The following RNF32 variants were observed in gnomAD, a reference collection of about 807,000 sequenced individuals.
The protein encoded by RNF32 is ring finger protein 32.
RNF32 carries 36 observed loss-of-function variants against 41.0 expected under a neutral mutation model. That is an observed-to-expected ratio of 0.88 (90% CI 0.67 to 1.16). The LOEUF (loss-of-function observed/expected upper bound fraction) is 1.16, where lower values mean the gene tolerates loss of function less well. RNF32 is among the 50% of genes most tolerant of loss of function. The pLI is 0.00. For missense variants in RNF32, 413 were observed against 436.7 expected, an observed-to-expected ratio of 0.95 and a Z score of 0.48; for synonymous variants, 154 against 160.9, an observed-to-expected ratio of 0.96 and a Z score of 0.32.
intron 7 of RNF32, among the ~76,000 whole-genome samples, chr7:156,666,709 G>A (rs1440059832): frequency 6.6e-6 from 1 of 152,188 alleles, no homozygotes; most frequent in Non-Finnish European, 1.5e-5. Context: ...AAAGAGGCCT[G>A]GAAAGGTCAC....
intron 7 of RNF32, among the ~76,000 whole-genome samples, chr7:156,667,756 T>A (rs1418653997): frequency 6.6e-6 from 1 of 152,226 alleles, no homozygotes; most frequent in Non-Finnish European, 1.5e-5. Context: ...AAATGTTGAT[T>A]TGACTTCTAA....
chr7:156,675,927 T>C, intron 8 of RNF32, 64 bp downstream of exon 8: 1 of 1,515,410 alleles, frequency 6.6e-7, no homozygotes. Flanking sequence ...CTGTGGGGAG[T>C]GGCATGTGGG....
intron 7 of RNF32, chr7:156,659,487 ACAGT>A (rs1416691832): frequency 4.1e-6 from 4 of 985,224 alleles, no homozygotes; most frequent in Non-Finnish European, 4.8e-6. Context: ...TCAGTCGTTG[ACAGT>A]CAGTTGTGTT....
At chr7:156,662,101 T>C (rs1285369041) in intron 7 of RNF32, among the ~76,000 whole-genome samples, 2 of 152,176 alleles carry the variant, frequency 1.3e-5, no homozygotes, top group Non-Finnish European at 1.5e-5. Flanking sequence ...TACTGTAAAA[T>C]AGTGTATTAG....
intron 5 of RNF32, 148 bp from the exon 6 acceptor site, chr7:156,657,980 G>A: frequency 1.3e-6 from 1 of 763,538 alleles, no homozygotes; most frequent in Non-Finnish European, 2.1e-6. Flanking sequence ...AGCACCTGAT[G>A]AAGCCTCCTC....
intron 5 of RNF32, among the ~76,000 whole-genome samples, chr7:156,657,879 T>C (rs1799967091): frequency 6.6e-6 from 1 of 152,216 alleles, no homozygotes; most frequent in Non-Finnish European, 1.5e-5. Context: ...GACTCACCTT[T>C]GTGCTAGTGG....
At chr7:156,660,800 G>T (rs1208983390) in intron 7 of RNF32, among the ~76,000 whole-genome samples, 6 of 152,240 alleles carry the variant, frequency 3.9e-5, no homozygotes, top group African/African-American at 1.4e-4. Flanking sequence ...GGAGTCCTGA[G>T]AAAGTGCACC....
chr7:156,664,871 T>C (rs186318478), intron 7 of RNF32, among the ~76,000 whole-genome samples: 3 of 152,328 alleles, frequency 2.0e-5, no homozygotes, highest in African/African-American at 2.4e-5. Flanking sequence ...AGAAACAGAA[T>C]TGTATTGTTT....
At chr7:156,656,770 G>A (rs534985040) in intron 4 of RNF32, among the ~76,000 whole-genome samples, 6 of 152,302 alleles carry the variant, frequency 3.9e-5, no homozygotes, top group African/African-American at 9.6e-5. Context: ...TGACCCCACC[G>A]CTTTGCTCAG....
chr7:156,654,586 G>T lies in RNF32; in HGVS notation c.285G>T (p.Leu95Phe). ...KPPPLTLAQKLGLIGPPPPPL... is the reference protein window; with the variant it reads ...KPPPLTLAQKFGLIGPPPPPL... ...GCTGTCTTACTTTAGCACAGAAGTT[G>T]GGCCTCATTGGGCCTCCACCACCTC... is the stretch of plus-strand genomic sequence containing the variant. Residue 95 changes from leucine (L) to phenylalanine (F), a missense_variant, in exon 4 of 9, where the codon TTG (leucine) becomes TTT (phenylalanine). Physicochemically the swap from Leu to Phe is conservative, Grantham distance 22 (BLOSUM62 0). Coordinates refer to ENST00000317955, the MANE Select transcript of RNF32 (RefSeq NM_030936.4). 1 of 1,613,976 alleles carries T rather than the reference G, an allele frequency of 6.2e-7. No homozygotes were observed. Among genetic ancestry groups the T allele is most frequent in the South Asian group, 1.1e-5 (1 of 91,040 alleles).
chr7:156,657,967 G>C (rs1410536988), intron 5 of RNF32, among the ~76,000 whole-genome samples, 161 bp from the exon 6 acceptor site: 6 of 152,168 alleles, frequency 3.9e-5, no homozygotes, highest in Non-Finnish European at 2.9e-5. Flanking sequence ...TGAGGAAGGT[G>C]GTAGCACCTG....
chr7:156,673,628 C>A (rs1803095784), intron 7 of RNF32, among the ~76,000 whole-genome samples: 2 of 152,150 alleles, frequency 1.3e-5, no homozygotes, highest in South Asian at 4.1e-4. Flanking sequence ...TCCTCAGCCA[C>A]CCCCTTCATT....
intron 7 of RNF32, among the ~76,000 whole-genome samples, chr7:156,660,896 A>T (rs1800552461): frequency 6.6e-6 from 1 of 152,242 alleles, no homozygotes; most frequent in Non-Finnish European, 1.5e-5. Flanking sequence ...CATGGAAGTT[A>T]TACATTGGTT....
chr7:156,672,597 A>T (rs1235534794), intron 7 of RNF32, among the ~76,000 whole-genome samples: 3 of 152,170 alleles, frequency 2.0e-5, no homozygotes, highest in African/African-American at 4.8e-5. Context: ...GAGCTAAGTA[A>T]CTCATTTATG....
intron 3 of RNF32, among the ~76,000 whole-genome samples, chr7:156,645,382 T>C (rs1236279771): frequency 6.6e-6 from 1 of 152,216 alleles, no homozygotes; most frequent in South Asian, 2.1e-4. Flanking sequence ...TGTGGCATTC[T>C]TACCAAAATG....
In RNF32 at chr7:156,669,854, C is replaced by T. The variant is rs542001779; in HGVS notation, c.685-5842C>T. Among the ~76,000 whole-genome samples the T allele has an allele frequency of 5.3e-5, 8 of 152,240 alleles. No homozygotes were observed. Among genetic ancestry groups the T allele is most frequent in the East Asian group, 3.9e-4 (2 of 5,162 alleles). ...GAGACGTGCAGTTGGGCCTGCAGCA[C>T]GCAGGGCTTGGGGACTCTGTTCCAG... On this transcript the variant is annotated intron_variant, in intron 7 of 8. Transcript: ENST00000317955. This position sits in a 1 kb window ranked among gnomAD's most constrained non-coding sequence, Gnocchi z 4.2.
At chr7:156,665,316 G>C (rs1801200555) in intron 7 of RNF32, among the ~76,000 whole-genome samples, 1 of 149,342 alleles carries the variant, frequency 6.7e-6, no homozygotes, top group Non-Finnish European at 1.5e-5. Context: ...AGCCACCCCT[G>C]AGTCTGTTCA....
At chr7:156,644,819 A>ATAGTATAATT in intron 3 of RNF32, 62 bp downstream of exon 3, 1 of 1,491,370 alleles carries the variant, frequency 6.7e-7, no homozygotes, top group Non-Finnish European at 9.1e-7. Context: ...ATTGAGATTA[A>ATAGTATAATT]TAGTATAATT....
intron 3 of RNF32, among the ~76,000 whole-genome samples, chr7:156,646,765 A>G (rs1798013607): frequency 6.6e-6 from 1 of 152,226 alleles, no homozygotes; most frequent in African/African-American, 2.4e-5. Flanking sequence ...TACTATGTTG[A>G]TAGGTACCAG....
Sources: allele counts gnomAD v4.1 joint callset (sites outside exome capture counted in the v4.1 genomes callset), GRCh38; gene constraint gnomAD v4.1.1; non-coding constraint Gnocchi (gnomAD v3.1); transcripts MANE v1.5; gene names NCBI Gene and HGNC (gene_info 2026-07-23, HGNC 2026-07-21).